WDR1: variants seen among roughly 807,000 people sequenced by gnomAD.
WDR1 encodes WD repeat domain 1.
Under a neutral mutation model 71.9 loss-of-function variants are expected in WDR1, and 21 were observed. The observed-to-expected ratio is 0.29, with a 90% CI of 0.21 to 0.42. The LOEUF is 0.42. Among genes scored for constraint, WDR1 ranks in the 10% least tolerant of loss-of-function variants. WDR1 has a pLI of 1.00. For synonymous variants in WDR1, 424 were observed against 347.4 expected, an observed-to-expected ratio of 1.22 and a Z score of -2.45; for missense variants, 696 against 824.5, an observed-to-expected ratio of 0.84 and a Z score of 1.91.
At position 10,085,663 on chromosome 4, in the gene WDR1, A is replaced by G. The variant is rs1440506616; in HGVS notation, c.952-1133T>C. On this transcript the variant is annotated intron_variant, in intron 8 of 14. Coordinates refer to ENST00000499869, the MANE Select transcript of WDR1 (RefSeq NM_017491.5). ...CACTCCTAGCCATGCCCAGATGCCC[A>G]CGGGTGTTCCTTCTGGAGGCCTGCA... Among the ~76,000 whole-genome samples, 4 of 152,228 alleles carry G rather than the reference A, an allele frequency of 2.6e-5. No homozygotes were observed. In the East Asian group the frequency reaches 7.7e-4, roughly 29 times the overall value.
In WDR1 at chr4:10,089,613, C is replaced by T. The variant is rs974030331; in HGVS notation, c.559-872G>A. ...TAAAGCTGCCAACACCTGCCCTGCC[C>T]TCTTGCTGCCCACCTGCAGGCGGCG... is the stretch of plus-strand genomic sequence containing the variant. On this transcript the variant is annotated intron_variant, in intron 5 of 14. Coordinates refer to ENST00000499869, the MANE Select transcript of WDR1 (RefSeq NM_017491.5). Among the ~76,000 whole-genome samples the T allele has an allele frequency of 3.3e-5, 5 of 152,224 alleles. No homozygotes were observed. The South Asian group carries it at 1.0e-3, about 32-fold the overall frequency.
At chr4:10,095,597 T>C (rs966050230) in intron 5 of WDR1, among the ~76,000 whole-genome samples, 1 of 152,200 alleles carries the variant, frequency 6.6e-6, no homozygotes, top group Non-Finnish European at 1.5e-5. Flanking sequence ...TAAGTGCAGA[T>C]ACACACCAAA....
intron 2 of WDR1, chr4:10,106,535 C>T (rs934769542): frequency 2.6e-5 from 4 of 152,300 alleles, no homozygotes; most frequent in Non-Finnish European, 4.4e-5. Flanking sequence ...ACCTCCTCCC[C>T]AGGCCGTGCT....
intron 4 of WDR1, among the ~76,000 whole-genome samples, chr4:10,098,147 G>C (rs1225031067): frequency 6.6e-6 from 1 of 152,102 alleles, no homozygotes; most frequent in Non-Finnish European, 1.5e-5. Context: ...GTGTCTGTGG[G>C]GCCCCACGCC....
intron 5 of WDR1, among the ~76,000 whole-genome samples, chr4:10,093,669 C>T (rs565644369): frequency 1.3e-5 from 2 of 152,216 alleles, no homozygotes; most frequent in African/African-American, 4.8e-5. Context: ...TGACCTGGGC[C>T]AGGTCACCCT....
Position 10,075,142 on chromosome 4 carries a change from C to T in WDR1, c.*236G>A, listed in dbSNP as rs1764749940. 1.1e-5 allele frequency: 6 copies of T among 532,388 alleles called. No individual in the cohort carries two copies. Among genetic ancestry groups the T allele is most frequent in the Middle Eastern group, 9.8e-4 (2 of 2,040 alleles). 33.0% of individuals were successfully genotyped at this position (532,388 alleles called of 1,614,324 possible). A position where few individuals can be genotyped will look rare whatever the true frequency, so the allele number is the denominator to read the frequency against. On this transcript the variant is annotated 3_prime_UTR_variant, in exon 15 of 15. Coordinates refer to ENST00000499869, the MANE Select transcript of WDR1 (RefSeq NM_017491.5). ...TTGGGCTGTGGGTTTTAGTTATGCT[C>T]CACACATTGTTTAGGTGCTCGCTTT...
Position 10,075,264 on chromosome 4 carries a change from T to C in WDR1, c.*114A>G. 1.2e-6 allele frequency: 1 copy of C among 865,192 alleles called. No individual in the cohort carries two copies. The allele number at this position is 865,192 out of a possible 1,614,324, so 53.6% of individuals were successfully genotyped here. A position where few individuals can be genotyped will look rare whatever the true frequency, so the allele number is the denominator to read the frequency against. ...GGTCATGACTGGGCCCTCCTGCCTC[T>C]TGTGGTGGGGTGGGGGCATGGGGGC... is the stretch of plus-strand genomic sequence containing the variant. On this transcript the variant is annotated 3_prime_UTR_variant, in exon 15 of 15. Transcript: ENST00000499869.
chr4:10,075,709 G>T, intron 14 of WDR1: 1 of 580,556 alleles, frequency 1.7e-6, no homozygotes, highest in Admixed American at 3.0e-5. Context: ...TGTGCTGCAG[G>T]GTAATTAGCA....
intron 2 of WDR1, among the ~76,000 whole-genome samples, chr4:10,104,591 A>G (rs1325968604): frequency 2.6e-5 from 4 of 152,210 alleles, no homozygotes; most frequent in Admixed American, 6.5e-5. Flanking sequence ...TGGGGCCAAC[A>G]TTTGAGACTA....
rs1056722331 is a variant in WDR1 at position 10,083,141 on chromosome 4, G to A, written c.1077C>T (p.Phe359=). Residue 359 remains phenylalanine, a synonymous_variant, in exon 10 of 15, where the codon TTC becomes TTT. Coordinates refer to ENST00000499869, the MANE Select transcript of WDR1 (RefSeq NM_017491.5). Reference sequence around the variant, plus strand: ...CCTGGTTCGTGTGGCCTTTCCCAGCGAAGGAGTCGTTCTCCCCCGTCTCTG... The same window carrying A: ...CCTGGTTCGTGTGGCCTTTCCCAGCAAAGGAGTCGTTCTCCCCCGTCTCTG... The part of the protein sequence containing the change: ...WDSETGENDS[F]AGKGHTNQVS... The A allele has an allele frequency of 1.9e-6, 3 of 1,613,914 alleles. No individual in the cohort carries two copies. The highest frequency in any genetic ancestry group is 2.5e-6 in the Non-Finnish European group (3 of 1,179,866).
rs751403224 is a variant in WDR1 at position 10,083,159 on chromosome 4, C to G, written c.1059G>C (p.Thr353=). ...TCCCAGCGAAGGAGTCGTTCTCCCC[C>G]GTCTCTGAATCCCAGTAATGTAGGG... is the stretch of plus-strand genomic sequence containing the variant. ...DGHINYWDSE[T]GENDSFAGKG... is the part of the protein sequence containing the mutation. Residue 353 remains threonine (T), a synonymous_variant, in exon 10 of 15, where the codon ACG becomes ACC. Transcript: ENST00000499869. 2 of 1,613,634 alleles carry G rather than the reference C, an allele frequency of 1.2e-6. No individual in the cohort carries two copies. The highest frequency in any genetic ancestry group is 1.7e-6 in the Non-Finnish European group (2 of 1,179,818).
At chr4:10,084,041 G>C (rs991965473) in intron 9 of WDR1, among the ~76,000 whole-genome samples, 4 of 152,204 alleles carry the variant, frequency 2.6e-5, no homozygotes, top group Non-Finnish European at 5.9e-5. Context: ...CCCAACGTAA[G>C]GGTGTCCAGG....
In WDR1 at chr4:10,116,158, A is replaced by G; in HGVS notation, c.93T>C (p.Asn31=). 1 of 1,613,654 alleles carries G rather than the reference A, an allele frequency of 6.2e-7. No homozygotes were observed. Among genetic ancestry groups the G allele is most frequent in the Non-Finnish European group, 8.5e-7 (1 of 1,179,802 alleles). Residue 31 remains asparagine, a synonymous_variant, in exon 2 of 15, where the codon AAT becomes AAC. Transcript: ENST00000499869. ...CGCACTTTCCATTGGTGTACAGAAAATTGTTGCCCTTAGGGTCGCCGCCGA... is the reference window on the plus strand; with the variant it reads ...CGCACTTTCCATTGGTGTACAGAAAGTTGTTGCCCTTAGGGTCGCCGCCGA... ...KIIGGDPKGN[N]FLYTNGKCVI...
At chr4:10,085,506 C>T (rs1183458001) in intron 8 of WDR1, among the ~76,000 whole-genome samples, 1 of 152,242 alleles carries the variant, frequency 6.6e-6, no homozygotes, top group Admixed American at 6.5e-5. Flanking sequence ...CAGTCCCTTA[C>T]AGCGCGGACC....
chr4:10,078,929 C>G lies in WDR1; in HGVS notation c.1357G>C (p.Val453Leu), dbSNP rs950527140. 1 of 1,613,062 alleles carries G rather than the reference C, an allele frequency of 6.2e-7. No homozygotes were observed. ...GCCACCGTGTCCCCGCCGGGGTGCACTGCCACAACTTCGGGCTCGTAGCCG... is the reference window on the plus strand; with the variant it reads ...GCCACCGTGTCCCCGCCGGGGTGCAGTGCCACAACTTCGGGCTCGTAGCCG... ...NPGYEPEVVA[V>L]HPGGDTVAIG... The change falls in exon 12 of 15, where the codon GTG (valine) becomes CTG (leucine). Residue 453 changes from valine to leucine, a missense_variant. Val to Leu is a conservative substitution (Grantham distance 32, BLOSUM62 1). Coordinates refer to ENST00000499869, the MANE Select transcript of WDR1 (RefSeq NM_017491.5).
At chr4:10,083,501 A>G (rs960774384) in intron 9 of WDR1, 5 of 504,700 alleles carry the variant, frequency 9.9e-6, no homozygotes, top group Admixed American at 2.3e-5. Flanking sequence ...CTAACCCCAC[A>G]TTTCTTTATG....
At chr4:10,090,048 G>GC (rs1711870431) in intron 5 of WDR1, among the ~76,000 whole-genome samples, 1 of 152,192 alleles carries the variant, frequency 6.6e-6, no homozygotes. Context: ...GAAGCTGGAG[G>GC]CAGAGATGGG....
At chr4:10,077,111 G>A in intron 14 of WDR1, 193 bp downstream of exon 14, 1 of 803,778 alleles carries the variant, frequency 1.2e-6, no homozygotes, top group East Asian at 2.7e-5. Flanking sequence ...GGCCCCCGTG[G>A]TCCCTCAGTA....
At chr4:10,113,713 C>A (rs1413293035) in intron 2 of WDR1, among the ~76,000 whole-genome samples, 1 of 152,186 alleles carries the variant, frequency 6.6e-6, no homozygotes, top group Admixed American at 6.5e-5. Context: ...CAGAGGAAGC[C>A]AGGGAAATCT....
Sources: allele counts gnomAD v4.1 joint callset (sites outside exome capture counted in the v4.1 genomes callset), GRCh38; gene constraint gnomAD v4.1.1; transcripts MANE v1.5; gene names NCBI Gene and HGNC (gene_info 2026-07-23, HGNC 2026-07-21).